OBI1: variants seen among roughly 807,000 people sequenced by gnomAD.
OBI1 encodes ring finger protein 219.
Under a neutral mutation model 62.4 loss-of-function variants are expected in OBI1, and 59 were observed. That is an observed-to-expected ratio of 0.95 (90% confidence interval 0.77 to 1.17). OBI1 has a LOEUF of 1.17. Ranked by LOEUF, OBI1 falls within the 50% of genes most tolerant of loss-of-function variation. The pLI is 0.00. For missense variants in OBI1, 875 were observed against 830.9 expected (o/e 1.05, Z -0.65); for synonymous variants, 302 against 292.8 (o/e 1.03, Z -0.32).
rs765972762 is a variant in OBI1, at chr13:78,617,111, A to G, written c.650T>C (p.Phe217Ser). 11 of 1,546,510 alleles carry G rather than the reference A, an allele frequency of 7.1e-6. No homozygotes were observed. The highest frequency in any genetic ancestry group is 9.6e-6 in the Non-Finnish European group (11 of 1,151,462). The change falls in exon 6 of 6, where the codon TTT becomes TCT. Residue 217 changes from phenylalanine to serine, a missense_variant. Physicochemically the swap from Phe to Ser is radical, Grantham distance 155. Coordinates refer to ENST00000282003, the MANE Select transcript of OBI1 (RefSeq NM_024546.4). ...DNRSPQKFGR[F>S]AVAALQSKVE... The stretch of plus-strand genomic sequence containing the variant: ...TTTGGACTGAAGAGCAGCAACTGCA[A>G]ACCTTCCAAACCTACAAAGAATGGA...
chr13:78,617,648 C>T (rs1009986341), intron 5 of OBI1, among the ~76,000 whole-genome samples: 7 of 151,772 alleles, frequency 4.6e-5, no homozygotes, highest in Non-Finnish European at 1.0e-4. Context: ...GTTTTAAATA[C>T]TTATTTGGGC....
intron 5 of OBI1, among the ~76,000 whole-genome samples, chr13:78,626,683 T>C (rs1008184979): frequency 2.0e-5 from 3 of 152,160 alleles, no homozygotes; most frequent in African/African-American, 4.8e-5. Context: ...AAATTCAGCA[T>C]AGCCAGAGCA....
At chr13:78,618,527 C>T (rs747627334) in intron 5 of OBI1, among the ~76,000 whole-genome samples, 5 of 152,064 alleles carry the variant, frequency 3.3e-5, no homozygotes, top group Non-Finnish European at 7.4e-5. Flanking sequence ...CCATCTCAAC[C>T]CCTACATAAT....
At chr13:78,622,260 T>C (rs1162648237) in intron 5 of OBI1, among the ~76,000 whole-genome samples, 2 of 151,678 alleles carry the variant, frequency 1.3e-5, no homozygotes, top group African/African-American at 4.8e-5. Flanking sequence ...CTAGGCGACA[T>C]AATGAGATCA....
rs149498204 is a variant in OBI1 at position 78,634,400 on chromosome 13, T to C, written c.638+710A>G. 1.6e-3 allele frequency among the ~76,000 whole-genome samples: 248 copies of C among 152,160 alleles called. 1 individual carries two copies. The highest frequency in any genetic ancestry group is 5.6e-3 in the African/African-American group (233 of 41,540). The stretch of plus-strand genomic sequence containing the variant: ...ACCTCTGCCTCCCGGACTCAAGTGA[T>C]TCTCCTGCCTCAGCCTCCCGAGTAG... On this transcript the variant is annotated intron_variant, in intron 5 of 5. Transcript: ENST00000282003.
At chr13:78,657,613 T>C (rs1241455330) in intron 1 of OBI1, among the ~76,000 whole-genome samples, 2 of 152,128 alleles carry the variant, frequency 1.3e-5, no homozygotes, top group South Asian at 2.1e-4. Context: ...ATACAAAAAG[T>C]ATAGGTTTGG....
rs373886916 is a variant in OBI1, at chr13:78,659,114, G to C, written c.7C>G (p.Gln3Glu). The C allele has an allele frequency of 4.3e-6, 7 of 1,611,292 alleles. No homozygotes were observed. The highest frequency in any genetic ancestry group is 5.1e-6 in the Non-Finnish European group (6 of 1,179,140). ...GACAATGTAACATTCTGCACGGTCTGAGCCATGGCAGCGTTCAGAATCCCG... is the reference window on the plus strand; with the variant it reads ...GACAATGTAACATTCTGCACGGTCTCAGCCATGGCAGCGTTCAGAATCCCG... MA[Q>E]TVQNVTLSLT... Residue 3 changes from glutamine (Q) to glutamate (E), a missense_variant, in exon 1 of 6, where the codon CAG becomes GAG. By Grantham distance (29) the Gln-to-Glu change is conservative. Coordinates refer to ENST00000282003, the MANE Select transcript of OBI1 (RefSeq NM_024546.4).
intron 1 of OBI1, among the ~76,000 whole-genome samples, chr13:78,653,460 A>C (rs928972641): frequency 6.6e-6 from 1 of 152,250 alleles, no homozygotes; most frequent in African/African-American, 2.4e-5. Context: ...CAGTTGTGGA[A>C]ACTGAGACTC....
intron 5 of OBI1, among the ~76,000 whole-genome samples, chr13:78,619,957 GT>G (rs1278971022): frequency 6.6e-6 from 1 of 152,126 alleles, no homozygotes; most frequent in African/African-American, 2.4e-5. Flanking sequence ...AACATGTTTT[GT>G]TTACTACATT....
chr13:78,655,030 A>G (rs10467414), intron 1 of OBI1, among the ~76,000 whole-genome samples: 30 of 152,370 alleles, frequency 2.0e-4, no homozygotes, highest in African/African-American at 7.0e-4. Flanking sequence ...AATATGATAC[A>G]TTAATGCTGA....
Position 78,658,741 on chromosome 13 carries a change from G to A in OBI1, c.72+308C>T, listed in dbSNP as rs372327456. 9.2e-5 allele frequency among the ~76,000 whole-genome samples: 14 copies of A among 152,292 alleles called. No homozygotes were observed. The East Asian group carries it at 2.7e-3, about 30-fold the overall frequency. On this transcript the variant is annotated intron_variant, in intron 1 of 5. Transcript: ENST00000282003. ...AATATCCCTGCGATGCGTTTCTGATGGGGCCTCCTTCGAGGCCGGTGTCTT... is the reference window on the plus strand; with the variant it reads ...AATATCCCTGCGATGCGTTTCTGATAGGGCCTCCTTCGAGGCCGGTGTCTT...
intron 5 of OBI1, among the ~76,000 whole-genome samples, chr13:78,628,051 G>T (rs181528391): frequency 6.6e-6 from 1 of 152,224 alleles, no homozygotes; most frequent in Non-Finnish European, 1.5e-5. Context: ...AACAGGCCAC[G>T]CAATTAAATG....
intron 1 of OBI1, among the ~76,000 whole-genome samples, chr13:78,650,135 G>A (rs563374482): frequency 1.3e-5 from 2 of 152,294 alleles, no homozygotes; most frequent in Admixed American, 1.3e-4. Context: ...TTTAGCTGTG[G>A]AGACTCAGGA....
Position 78,615,744 on chromosome 13 carries a change from A to G in OBI1, c.2017T>C (p.Phe673Leu), listed in dbSNP as rs141239893. The G allele has an allele frequency of 8.1e-6, 13 of 1,613,978 alleles. No homozygotes were observed. The African/African-American group carries it at 1.7e-4, about 22-fold the overall frequency. The change falls in exon 6 of 6, where the codon TTT (phenylalanine) becomes CTT (leucine). Residue 673 changes from phenylalanine (F) to leucine (L), a missense_variant. Physicochemically the swap from Phe to Leu is conservative, Grantham distance 22 (BLOSUM62 0). Coordinates refer to ENST00000282003, the MANE Select transcript of OBI1 (RefSeq NM_024546.4). The stretch of plus-strand genomic sequence containing the variant: ...CTGTGCATCTCTGAGGACATCTTAA[A>G]CAAAGATGACCCAAATCTTTGATCT... Reference protein sequence around the residue: ...FEDQRFGSSLFKMSSEMHSLH... With the variant: ...FEDQRFGSSLLKMSSEMHSLH...
intron 1 of OBI1, among the ~76,000 whole-genome samples, chr13:78,656,196 T>G (rs1044703093): frequency 1.3e-5 from 2 of 152,250 alleles, no homozygotes; most frequent in African/African-American, 4.8e-5. Flanking sequence ...ACTTTGCACA[T>G]GCTTTGTTTA....
intron 3 of OBI1, among the ~76,000 whole-genome samples, chr13:78,641,247 T>C (rs185682366): frequency 6.6e-6 from 1 of 152,334 alleles, no homozygotes; most frequent in East Asian, 1.9e-4. Flanking sequence ...CAGATAGTAC[T>C]ACTTACTATT....
At chr13:78,648,519 A>G (rs994896008) in intron 1 of OBI1, among the ~76,000 whole-genome samples, 3 of 152,028 alleles carry the variant, frequency 2.0e-5, no homozygotes, top group Non-Finnish European at 4.4e-5. Flanking sequence ...TGCTCTGCCA[A>G]TCTTTCCATA....
At position 78,616,962 on chromosome 13, in the gene OBI1, T is replaced by C. The variant is rs2137424161; in HGVS notation, c.799A>G (p.Met267Val). Reference protein sequence around the residue: ...LKNSSEEKEAMNSICQTALSA... With the variant: ...LKNSSEEKEAVNSICQTALSA... ...AGTGCTGTCTGGCAAATGGAATTCA[T>C]AGCTTCTTTCTCTTCACTTGAATTT... Residue 267 changes from methionine (M) to valine (V), a missense_variant, in exon 6 of 6, where the codon ATG becomes GTG. Met to Val is a conservative substitution (Grantham distance 21, BLOSUM62 1). Transcript: ENST00000282003. The C allele has an allele frequency of 6.2e-7, 1 of 1,614,214 alleles. No individual in the cohort carries two copies. The highest frequency in any genetic ancestry group is 1.1e-5 in the South Asian group (1 of 91,086).
rs760364800 is a variant in OBI1, at chr13:78,616,780, C to A, written c.981G>T (p.Arg327Ser). The A allele has an allele frequency of 6.2e-7, 1 of 1,614,178 alleles. No individual in the cohort carries two copies. The highest frequency in any genetic ancestry group is 2.2e-5 in the East Asian group (1 of 44,882). Residue 327 changes from arginine to serine, a missense_variant, in exon 6 of 6, where the codon AGG becomes AGT. Transcript: ENST00000282003. ...GGTCTGCTTTGCTGGTACTTTCCTGCCTTGCAGAACTGGTGTCACACAGTC... is the reference window on the plus strand; with the variant it reads ...GGTCTGCTTTGCTGGTACTTTCCTGACTTGCAGAACTGGTGTCACACAGTC... ...SSRLCDTSSA[R>S]QESTSKADLN... is the part of the protein sequence containing the mutation.
Sources: allele counts gnomAD v4.1 joint callset (sites outside exome capture counted in the v4.1 genomes callset), GRCh38; gene constraint gnomAD v4.1.1; transcripts MANE v1.5; gene names NCBI Gene and HGNC (gene_info 2026-07-23, HGNC 2026-07-21).